RNF111: variants seen among roughly 807,000 people sequenced by gnomAD.
The protein encoded by RNF111 is E3 ubiquitin-protein ligase Arkadia.
RNF111 carries 17 observed loss-of-function variants against 95.1 expected under a neutral mutation model. The ratio of observed to expected loss-of-function variants is 0.18; its 90% CI spans 0.12 to 0.27. The LOEUF (loss-of-function observed/expected upper bound fraction) is 0.27. Ranked by LOEUF, RNF111 falls within the 10% of genes least tolerant of loss-of-function variation. The pLI is 1.00. For missense variants in RNF111, 1,189 were observed against 1,210.4 expected, an observed-to-expected ratio of 0.98 and a Z score of 0.26; for synonymous variants, 440 against 414.8, an observed-to-expected ratio of 1.06 and a Z score of -0.74.
At chr15:59,002,361 A>G (rs2141454144) in intron 1 of RNF111, among the ~76,000 whole-genome samples, 1 of 152,190 alleles carries the variant, frequency 6.6e-6, no homozygotes, top group South Asian at 2.1e-4. Flanking sequence ...CCGTTTTCCC[A>G]TGGTATTTGG....
Position 59,031,688 on chromosome 15 carries a change from C to T in RNF111, c.866C>T (p.Pro289Leu), listed in dbSNP as rs1422243058. 1 of 1,613,084 alleles carries T rather than the reference C, an allele frequency of 6.2e-7. No individual in the cohort carries two copies. The highest frequency in any genetic ancestry group is 8.5e-7 in the Non-Finnish European group (1 of 1,179,558). ...VSASENHQNN[P>L]AVPSGSIDED... ...GCCAGTGAAAACCACCAAAACAATC[C>T]AGCTGTTCCCTCAGGTAAAAATGTT... is the stretch of plus-strand genomic sequence containing the variant. Residue 289 changes from proline (P) to leucine (L), a missense_variant, in exon 2 of 14, where the codon CCA becomes CTA. Physicochemically the swap from Pro to Leu is moderately conservative, Grantham distance 98. Coordinates refer to ENST00000348370, the MANE Select transcript of RNF111 (RefSeq NM_017610.8).
intron 2 of RNF111, among the ~76,000 whole-genome samples, chr15:59,046,593 CCTAAATGTAAGAA>C (rs1412600031): frequency 6.6e-6 from 1 of 152,050 alleles, no homozygotes; most frequent in East Asian, 1.9e-4. Flanking sequence ...AGATCATAGA[CCTAAATGTAAGAA>C]CTAAATGATA....
At chr15:59,039,309 T>C (rs979397942) in intron 2 of RNF111, among the ~76,000 whole-genome samples, 1 of 152,130 alleles carries the variant, frequency 6.6e-6, no homozygotes, top group Non-Finnish European at 1.5e-5. Flanking sequence ...TTATCTGAGG[T>C]TCTTCTATAA....
At chr15:59,060,425 G>A (rs1350906181) in intron 5 of RNF111, among the ~76,000 whole-genome samples, 2 of 151,900 alleles carry the variant, frequency 1.3e-5, no homozygotes, top group Non-Finnish European at 2.9e-5. Flanking sequence ...GCAACGTGGT[G>A]AAACCTTGTC....
chr15:59,087,329 T>C (rs1197765997), intron 10 of RNF111, among the ~76,000 whole-genome samples: 1 of 152,152 alleles, frequency 6.6e-6, no homozygotes, highest in African/African-American at 2.4e-5. Context: ...GCTTGAAAAG[T>C]TGAGAAACAC....
Position 59,076,354 on chromosome 15 carries a change from A to G in RNF111, c.1948+139A>G, listed in dbSNP as rs2078562744. On this transcript the variant is annotated intron_variant, in intron 7 of 13. Transcript: ENST00000348370. ...TTAAGAGTAGGGTATATTTTTTCCC[A>G]TGTTAGTATTATGTAATTGAGGTGG... 4.1e-6 allele frequency: 4 copies of G among 975,594 alleles called. No individual in the cohort carries two copies. The South Asian group carries it at 5.0e-5, about 12-fold the overall frequency. The allele number at this position is 975,594 out of a possible 1,614,324, so 60.4% of individuals were successfully genotyped here.
At chr15:59,071,933 A>C (rs1299065985) in intron 6 of RNF111, among the ~76,000 whole-genome samples, 1 of 152,228 alleles carries the variant, frequency 6.6e-6, no homozygotes. Context: ...TATAAAATTT[A>C]ATATTTACAC....
rs188615435 is a variant in RNF111 at position 59,006,708 on chromosome 15, G to A, written c.-20+18640G>A. 4.1e-4 allele frequency among the ~76,000 whole-genome samples: 62 copies of A among 152,282 alleles called. 1 individual carries two copies. The highest frequency in any genetic ancestry group is 1.8e-3 in the Admixed American group (27 of 15,304). ...AAGTTACAAAAATAAAAAAAATAAAGTTACAGACGCCAGTGCATTTTACCC... is the reference window on the plus strand; with the variant it reads ...AAGTTACAAAAATAAAAAAAATAAAATTACAGACGCCAGTGCATTTTACCC... On this transcript the variant is annotated intron_variant, in intron 1 of 13. Coordinates refer to ENST00000348370, the MANE Select transcript of RNF111 (RefSeq NM_017610.8).
chr15:59,011,490 A>G (rs2039810186), intron 1 of RNF111, among the ~76,000 whole-genome samples: 1 of 152,204 alleles, frequency 6.6e-6, no homozygotes, highest in South Asian at 2.1e-4. Flanking sequence ...AATGCCACAG[A>G]TGGAGTGGCT....
intron 1 of RNF111, among the ~76,000 whole-genome samples, chr15:59,007,816 C>A (rs1192306089): frequency 6.6e-6 from 1 of 151,982 alleles, no homozygotes; most frequent in Non-Finnish European, 1.5e-5. Context: ...TTTGTAAAAT[C>A]TTTTGCCTAT....
intron 2 of RNF111, among the ~76,000 whole-genome samples, chr15:59,048,924 CT>C (rs2041837210): frequency 2.0e-5 from 3 of 151,972 alleles, no homozygotes; most frequent in African/African-American, 2.4e-5. Flanking sequence ...GATCCTGTCT[CT>C]TTAAAAAACA....
intron 1 of RNF111, among the ~76,000 whole-genome samples, chr15:58,989,757 C>T (rs767039360): frequency 4.4e-4 from 67 of 152,088 alleles, no homozygotes; most frequent in Non-Finnish European, 8.5e-4. Context: ...AAGCACCTTG[C>T]TTGTATAAAG....
intron 6 of RNF111, among the ~76,000 whole-genome samples, chr15:59,073,771 C>CT (rs1320360011): frequency 6.6e-6 from 1 of 152,154 alleles, no homozygotes; most frequent in Non-Finnish European, 1.5e-5. Context: ...ATGGTGACTC[C>CT]TTTCTGGAAG....
chr15:59,088,973 G>A (rs554292781), intron 10 of RNF111, among the ~76,000 whole-genome samples: 1 of 152,096 alleles, frequency 6.6e-6, no homozygotes, highest in African/African-American at 2.4e-5. Context: ...TGTGAAAAAC[G>A]TGGCACTAAA....
chr15:59,027,642 C>T (rs1448886123), intron 1 of RNF111, among the ~76,000 whole-genome samples: 3 of 152,030 alleles, frequency 2.0e-5, no homozygotes, highest in Non-Finnish European at 2.9e-5. Context: ...GATTCTGCTG[C>T]GTCAGCCTCC....
rs549020887 is a variant in RNF111 at position 59,008,499 on chromosome 15, G to A, written c.-20+20431G>A. 2.0e-4 allele frequency among the ~76,000 whole-genome samples: 31 copies of A among 152,248 alleles called. No individual in the cohort carries two copies. In the South Asian group the frequency reaches 4.4e-3, roughly 21 times the overall value. The stretch of plus-strand genomic sequence containing the variant: ...TCCCAAAGTGCTGGTATTTACAGGC[G>A]TGAGCCACCGCACTCAGCCTACCAC... On this transcript the variant is annotated intron_variant, in intron 1 of 13. Coordinates refer to ENST00000348370, the MANE Select transcript of RNF111 (RefSeq NM_017610.8).
In RNF111 at chr15:58,987,699, A is replaced by AGGCGGC. The variant is rs776536752; in HGVS notation, c.-378_-373dup. The stretch of plus-strand genomic sequence containing the variant: ...CTCCTCGGTAGGGGAGGAATTGGTT[A>AGGCGGC]GGCGGCGGCGGCGGCGAAGCGGCGG... On this transcript the variant is annotated 5_prime_UTR_variant, in exon 1 of 14. Coordinates refer to ENST00000348370, the MANE Select transcript of RNF111 (RefSeq NM_017610.8). The AGGCGGC allele has an allele frequency of 2.4e-4, 43 of 179,182 alleles. 1 individual carries two copies. Among genetic ancestry groups the AGGCGGC allele is most frequent in the East Asian group, 2.3e-3 (14 of 5,972 alleles). The allele number at this position is 179,182 out of a possible 1,614,324, so 11.1% of individuals were successfully genotyped here.
intron 1 of RNF111, among the ~76,000 whole-genome samples, chr15:59,002,515 TG>T (rs2039366497): frequency 6.6e-6 from 1 of 151,502 alleles, no homozygotes; most frequent in Non-Finnish European, 1.5e-5. Flanking sequence ...TCATGGGAAC[TG>T]AAGTTCTGAG....
chr15:58,994,189 T>A (rs1397618301), intron 1 of RNF111, among the ~76,000 whole-genome samples: 24 of 151,818 alleles, frequency 1.6e-4, no homozygotes, highest in African/African-American at 5.8e-4. Flanking sequence ...AGGTGCACGC[T>A]ACCACGCTCA....
Sources: allele counts gnomAD v4.1 joint callset (sites outside exome capture counted in the v4.1 genomes callset), GRCh38; gene constraint gnomAD v4.1.1; transcripts MANE v1.5; gene names NCBI Gene and HGNC (gene_info 2026-07-23, HGNC 2026-07-21).